The following FAM193A variants were observed in gnomAD, a reference collection of about 807,000 sequenced individuals.
The protein encoded by FAM193A is protein FAM193A.
In FAM193A, 22 loss-of-function variants were observed where a neutral mutation model predicts 126.5. The ratio of observed to expected loss-of-function variants is 0.17; its 90% confidence interval spans 0.12 to 0.25. FAM193A has a LOEUF of 0.25. Among genes scored for constraint, FAM193A ranks in the 10% least tolerant of loss-of-function variants. FAM193A has a pLI of 1.00. For synonymous variants in FAM193A, 761 were observed against 646.8 expected, an observed-to-expected ratio of 1.18 and a Z score of -2.68; for missense variants, 1,675 against 1,672.8, an observed-to-expected ratio of 1.00 and a Z score of -0.02.
chr4:2,654,946 T>C, intron 7 of FAM193A: 1 of 492,480 alleles, frequency 2.0e-6, no homozygotes, highest in Non-Finnish European at 3.7e-6. Context: ...CTTGTAGTTT[T>C]TGAGTTGAGT....
intron 20 of FAM193A, among the ~76,000 whole-genome samples, chr4:2,719,772 C>T (rs1719918994): frequency 1.6e-5 from 1 of 61,304 alleles, no homozygotes; most frequent in East Asian, 5.5e-4. Flanking sequence ...TCCTTCCTTC[C>T]TCCCTCCCTC....
intron 1 of FAM193A, among the ~76,000 whole-genome samples, chr4:2,551,063 G>A (rs144898686): frequency 0.028 from 4,326 of 152,204 alleles, 222 homozygotes; most frequent in African/African-American, 0.098. Flanking sequence ...GCCTCCTAAA[G>A]TGCTGGGATC....
intron 2 of FAM193A, among the ~76,000 whole-genome samples, chr4:2,614,180 T>C (rs1742051689): frequency 6.6e-6 from 1 of 152,190 alleles, no homozygotes; most frequent in Non-Finnish European, 1.5e-5. Context: ...ACTGACTAGT[T>C]TTTCCAATGT....
chr4:2,685,890 T>C (rs1715681964), intron 13 of FAM193A, among the ~76,000 whole-genome samples: 1 of 152,240 alleles, frequency 6.6e-6, no homozygotes, highest in Admixed American at 6.5e-5. Flanking sequence ...CAGTTTTCCT[T>C]TTCTATGGAT....
At chr4:2,648,089 CTGT>C (rs1446341364) in intron 7 of FAM193A, among the ~76,000 whole-genome samples, 1 of 152,096 alleles carries the variant, frequency 6.6e-6, no homozygotes, top group Non-Finnish European at 1.5e-5. Context: ...TACAAATGGT[CTGT>C]TGTTTGGATT....
At chr4:2,632,242 G>C (rs1309890152) in intron 5 of FAM193A, among the ~76,000 whole-genome samples, 2 of 152,082 alleles carry the variant, frequency 1.3e-5, no homozygotes, top group Non-Finnish European at 2.9e-5. Flanking sequence ...GTCTTTATCT[G>C]ATTCTCAAGT....
Position 2,549,012 on chromosome 4 carries a change from C to A in FAM193A, c.255+11842C>A, listed in dbSNP as rs575591407. Among the ~76,000 whole-genome samples the A allele has an allele frequency of 4.6e-5, 7 of 151,614 alleles. No homozygotes were observed. The East Asian group carries it at 1.4e-3, about 30-fold the overall frequency. On this transcript the variant is annotated intron_variant, in intron 1 of 20. Transcript: ENST00000637812. ...GGAGTGTAGTGGTGTGATCTCGACT[C>A]ACTGCAACCTCCGCCTCCCGGTTTA...
chr4:2,643,397 A>G lies in FAM193A; in HGVS notation c.1164-3288A>G, dbSNP rs1744831270. 2.0e-5 allele frequency among the ~76,000 whole-genome samples: 3 copies of G among 152,196 alleles called. No homozygotes were observed. In the South Asian group the frequency reaches 6.2e-4, roughly 31 times the overall value. The stretch of plus-strand genomic sequence containing the variant: ...AATTCAATGACTTTTGATATATTTC[A>G]TTTTTTAAAAATTATGGTAAAGTAT... On this transcript the variant is annotated intron_variant, in intron 6 of 20. Transcript: ENST00000637812.
chr4:2,652,719 A>T (rs779725045), intron 7 of FAM193A, among the ~76,000 whole-genome samples: 5 of 152,180 alleles, frequency 3.3e-5, no homozygotes, highest in Non-Finnish European at 5.9e-5. Context: ...TTGACATGAG[A>T]TTTGGGCGGG....
chr4:2,542,787 G>A (rs1578557745), intron 1 of FAM193A, among the ~76,000 whole-genome samples: 1 of 152,180 alleles, frequency 6.6e-6, no homozygotes, highest in Non-Finnish European at 1.5e-5. Context: ...AGAAGGCCGA[G>A]TGGAAGGACT....
At chr4:2,541,903 T>C (rs747364843) in intron 1 of FAM193A, among the ~76,000 whole-genome samples, 12 of 151,954 alleles carry the variant, frequency 7.9e-5, no homozygotes, top group Non-Finnish European at 1.6e-4. Flanking sequence ...CCATCTCGGC[T>C]CACTGCAACT....
intron 2 of FAM193A, among the ~76,000 whole-genome samples, chr4:2,617,413 C>G (rs1742275810): frequency 6.8e-6 from 1 of 148,136 alleles, no homozygotes; most frequent in Non-Finnish European, 1.5e-5. Flanking sequence ...TTACAGGTGC[C>G]CACCACCGCA....
At chr4:2,706,731 G>T (rs530665789) in intron 19 of FAM193A, among the ~76,000 whole-genome samples, 18 of 151,074 alleles carry the variant, frequency 1.2e-4, no homozygotes, top group African/African-American at 4.4e-4. Flanking sequence ...ATCTCGTAGG[G>T]CTGTTCTCTC....
chr4:2,720,821 TAAAG>T (rs1720056827), intron 20 of FAM193A, among the ~76,000 whole-genome samples: 2 of 152,106 alleles, frequency 1.3e-5, no homozygotes, highest in Non-Finnish European at 2.9e-5. Flanking sequence ...TGGAAAACAT[TAAAG>T]AAGATCTAAA....
intron 1 of FAM193A, among the ~76,000 whole-genome samples, chr4:2,547,559 A>G (rs1409966348): frequency 6.6e-6 from 1 of 150,580 alleles, no homozygotes; most frequent in East Asian, 2.0e-4. Flanking sequence ...CTAAAACTAG[A>G]CAGACAGTTT....
At chr4:2,535,529 G>C (rs559461334), upstream of FAM193A, among the ~76,000 whole-genome samples, 1 of 152,368 alleles carries the variant, frequency 6.6e-6, no homozygotes, top group African/African-American at 2.4e-5. Flanking sequence ...CTCTGTGTCT[G>C]TGGTAAGCGG....
intron 2 of FAM193A, among the ~76,000 whole-genome samples, chr4:2,623,421 T>C (rs1204224041): frequency 6.6e-6 from 1 of 151,994 alleles, no homozygotes; most frequent in African/African-American, 2.4e-5. Flanking sequence ...CTGCCCGCCT[T>C]GGCCTCCCAA....
intron 2 of FAM193A, among the ~76,000 whole-genome samples, chr4:2,610,905 T>C (rs1201448472): frequency 6.6e-6 from 1 of 151,978 alleles, no homozygotes; most frequent in African/African-American, 2.4e-5. Flanking sequence ...GCCCAGCTAG[T>C]TGTGTATTTT....
At chr4:2,585,880 G>A (rs1238185947) in intron 1 of FAM193A, among the ~76,000 whole-genome samples, 4 of 152,164 alleles carry the variant, frequency 2.6e-5, no homozygotes, top group African/African-American at 7.2e-5. Context: ...AGTGAGCCAA[G>A]ATTGTGCTAC....
Sources: gnomAD v4.1 joint callset for allele counts (sites outside exome capture counted in the v4.1 genomes callset) on GRCh38, gnomAD v4.1.1 for gene constraint, MANE v1.5 for transcripts, NCBI Gene and HGNC (gene_info 2026-07-23, HGNC 2026-07-21) for gene names.